The following FIG4 variants were observed in gnomAD, a reference collection of about 807,000 sequenced individuals.
The protein encoded by FIG4 is FIG4 phosphoinositide 5-phosphatase, also known as polyphosphoinositide phosphatase.
Under a neutral mutation model 118.6 loss-of-function variants are expected in FIG4, and 112 were observed. That is an observed-to-expected ratio of 0.94 (90% confidence interval 0.81 to 1.11). FIG4 has a LOEUF of 1.11. Among genes scored for constraint, FIG4 ranks in the 50% least tolerant of loss-of-function variants. The pLI is 0.00. For missense variants in FIG4, 969 were observed against 1,111.7 expected, an observed-to-expected ratio of 0.87 and a Z score of 1.83; for synonymous variants, 369 against 381.2, an observed-to-expected ratio of 0.97 and a Z score of 0.37.
chr6:109,799,433 A>T (rs1390362892), intron 22 of FIG4, among the ~76,000 whole-genome samples: 12 of 152,210 alleles, frequency 7.9e-5, no homozygotes, highest in Non-Finnish European at 1.2e-4. Context: ...GGTTCTTAAA[A>T]TGTCGACTAT....
At chr6:109,790,192 TC>T (rs1441417890) in intron 19 of FIG4, among the ~76,000 whole-genome samples, 17 of 152,166 alleles carry the variant, frequency 1.1e-4, no homozygotes, top group Non-Finnish European at 4.4e-5. Context: ...AGAACCTCTT[TC>T]CCTTCCACTG....
intron 1 of FIG4, among the ~76,000 whole-genome samples, chr6:109,710,584 C>T (rs941977872): frequency 6.6e-6 from 1 of 152,036 alleles, no homozygotes; most frequent in African/African-American, 2.4e-5. Flanking sequence ...CTGTCTGGAC[C>T]TGGATTTTTG....
intron 1 of FIG4, among the ~76,000 whole-genome samples, chr6:109,707,992 C>CTTTTTTTT (rs548333111): frequency 7.1e-6 from 1 of 141,508 alleles, no homozygotes. Context: ...TCTCAGTATT[C>CTTTTTTTT]TTTTTTTTTT....
chr6:109,694,324 G>A (rs1230955129), intron 1 of FIG4, among the ~76,000 whole-genome samples: 3 of 152,188 alleles, frequency 2.0e-5, no homozygotes, highest in Non-Finnish European at 4.4e-5. Context: ...CAGGTGCTAA[G>A]AATGTATACT....
intron 22 of FIG4, among the ~76,000 whole-genome samples, chr6:109,822,144 C>T (rs939630164): frequency 5.6e-4 from 85 of 152,088 alleles, no homozygotes; most frequent in Non-Finnish European, 1.1e-3. Context: ...CACATTTGAA[C>T]GACAGTGTCT....
chr6:109,776,980 G>A lies in FIG4; in HGVS notation c.1809G>A (p.Gly603=), dbSNP rs148280593. 2.6e-5 allele frequency: 42 copies of A among 1,613,326 alleles called. No individual in the cohort carries two copies. The highest frequency in any genetic ancestry group is 3.6e-5 in the Non-Finnish European group (42 of 1,179,520). ...TGGGAGTTTTCCATCCCACTGAAGG[G>A]AAACCTCATCTCTGGGAGCTCCCAA... ...LFLGVFHPTE[G]KPHLWELPTD... The change falls in exon 16 of 23, where the codon GGG becomes GGA. Residue 603 remains glycine, a synonymous_variant. Transcript: ENST00000230124.
chr6:109,737,588 G>A (rs1352969807), intron 6 of FIG4, among the ~76,000 whole-genome samples: 1 of 152,072 alleles, frequency 6.6e-6, no homozygotes, highest in African/African-American at 2.4e-5. Flanking sequence ...TTTATTAACT[G>A]CTATTCAGAA....
At chr6:109,767,847 G>C (rs1207140674) in intron 15 of FIG4, among the ~76,000 whole-genome samples, 2 of 152,124 alleles carry the variant, frequency 1.3e-5, no homozygotes, top group African/African-American at 4.8e-5. Context: ...ACTCCAGCCT[G>C]GGCGACAGAG....
intron 12 of FIG4, among the ~76,000 whole-genome samples, chr6:109,762,622 G>A (rs564765343): frequency 1.3e-4 from 19 of 150,302 alleles, no homozygotes; most frequent in African/African-American, 4.4e-4. Context: ...TTCAGATCAA[G>A]GATTTATGCT....
intron 22 of FIG4, among the ~76,000 whole-genome samples, chr6:109,824,351 C>T (rs1260221227): frequency 1.3e-5 from 2 of 152,190 alleles, no homozygotes; most frequent in Non-Finnish European, 2.9e-5. Flanking sequence ...TCTAATACAT[C>T]CCCAGTGTGA....
chr6:109,761,538 A>G (rs893817563), intron 11 of FIG4, among the ~76,000 whole-genome samples: 10 of 151,998 alleles, frequency 6.6e-5, no homozygotes, highest in African/African-American at 2.4e-4. Flanking sequence ...GGCACCCTCC[A>G]CCACGCCCGG....
Position 109,727,226 on chromosome 6 carries a change from C to T in FIG4, c.407C>T (p.Pro136Leu). 1.9e-6 allele frequency: 3 copies of T among 1,612,272 alleles called. No individual in the cohort carries two copies. The South Asian group carries it at 3.3e-5, about 18-fold the overall frequency. ...KVEDTNMIYIPNDSVRVTHPD... is the reference protein window; with the variant it reads ...KVEDTNMIYILNDSVRVTHPD... ...GAAGATACAAATATGATCTATATAC[C>T]CAATGATTCTGTACGGGTTACTCAT... Residue 136 changes from proline (P) to leucine (L), a missense_variant, in exon 4 of 23, where the codon CCC becomes CTC. Coordinates refer to ENST00000230124, the MANE Select transcript of FIG4 (RefSeq NM_014845.6).
chr6:109,695,635 G>C (rs1046138913), intron 1 of FIG4, among the ~76,000 whole-genome samples: 2 of 147,312 alleles, frequency 1.4e-5, no homozygotes, highest in African/African-American at 4.9e-5. Flanking sequence ...ATGTTGCCAT[G>C]ACCTTTCCTC....
chr6:109,813,788 G>C (rs776419756), intron 22 of FIG4, among the ~76,000 whole-genome samples: 10 of 152,200 alleles, frequency 6.6e-5, no homozygotes, highest in Non-Finnish European at 1.0e-4. Context: ...TAGCTTCCAT[G>C]TTGTGAGCAG....
At chr6:109,760,892 T>A (rs1446229016) in intron 11 of FIG4, among the ~76,000 whole-genome samples, 1 of 152,302 alleles carries the variant, frequency 6.6e-6, no homozygotes, top group East Asian at 1.9e-4. Context: ...ATCCTAAGCC[T>A]CCATTCCTCT....
intron 1 of FIG4, among the ~76,000 whole-genome samples, chr6:109,709,789 G>A (rs1775201764): frequency 6.6e-6 from 1 of 152,164 alleles, no homozygotes; most frequent in Non-Finnish European, 1.5e-5. Context: ...AGGAATGCTA[G>A]TGATTTTTGC....
chr6:109,709,945 T>C (rs997897607), intron 1 of FIG4, among the ~76,000 whole-genome samples: 8 of 152,146 alleles, frequency 5.3e-5, no homozygotes, highest in Non-Finnish European at 1.0e-4. Context: ...TTTGGATACC[T>C]TTTATTTCTT....
At chr6:109,768,725 G>A (rs1777357388) in intron 15 of FIG4, among the ~76,000 whole-genome samples, 1 of 152,104 alleles carries the variant, frequency 6.6e-6, no homozygotes, top group Non-Finnish European at 1.5e-5. Flanking sequence ...TAATGGGAGT[G>A]ACATCCCGTC....
intron 10 of FIG4, among the ~76,000 whole-genome samples, chr6:109,757,549 A>G (rs948708957): frequency 1.3e-5 from 2 of 152,316 alleles, no homozygotes; most frequent in Admixed American, 6.5e-5. Flanking sequence ...TTGAAAATCA[A>G]CACAAGACAA....
Sources: allele counts gnomAD v4.1 joint callset (sites outside exome capture counted in the v4.1 genomes callset), GRCh38; gene constraint gnomAD v4.1.1; transcripts MANE v1.5; gene names NCBI Gene and HGNC (gene_info 2026-07-23, HGNC 2026-07-21).